The following NFU1 variants were observed in gnomAD, a reference collection of about 807,000 sequenced individuals.
NFU1 encodes NFU1 iron-sulfur cluster scaffold homolog, mitochondrial.
Under a neutral mutation model 32.2 loss-of-function variants are expected in NFU1, and 30 were observed. That is an observed-to-expected ratio of 0.93 (90% CI 0.70 to 1.26). The LOEUF (loss-of-function observed/expected upper bound fraction) is 1.26, where lower values mean the gene tolerates loss of function less well. NFU1 is among the 50% of genes most tolerant of loss of function. The pLI, the probability that NFU1 is intolerant of heterozygous loss-of-function variation, is 0.00. For missense variants in NFU1, 306 were observed against 306.6 expected (o/e 1.00, Z 0.02); for synonymous variants, 112 against 104.6 (o/e 1.07, Z -0.43).
chr2:69,421,400 G>GT (rs1216837447), intron 3 of NFU1, among the ~76,000 whole-genome samples: 2 of 151,938 alleles, frequency 1.3e-5, no homozygotes, highest in Non-Finnish European at 2.9e-5. Flanking sequence ...TATAGAAATA[G>GT]TTACCTGAGC....
intron 4 of NFU1, chr2:69,416,118 G>T (rs1673042179): frequency 6.6e-6 from 1 of 151,006 alleles, no homozygotes; most frequent in Non-Finnish European, 1.5e-5. Context: ...AAGAAAAGAG[G>T]AAAGGAAAGG....
intron 6 of NFU1, among the ~76,000 whole-genome samples, chr2:69,403,806 C>A (rs931535636): frequency 1.3e-5 from 2 of 151,532 alleles, no homozygotes; most frequent in Non-Finnish European, 2.9e-5. Flanking sequence ...CTAATGAGTT[C>A]TTAAGTTCAG....
intron 4 of NFU1, among the ~76,000 whole-genome samples, chr2:69,419,258 C>A (rs1170994810): frequency 6.6e-6 from 1 of 151,746 alleles, no homozygotes; most frequent in Non-Finnish European, 1.5e-5. Context: ...ACCTGGGAGG[C>A]AGAGGTGGCA....
intron 4 of NFU1, among the ~76,000 whole-genome samples, chr2:69,417,039 A>G (rs1673078992): frequency 6.6e-6 from 1 of 152,210 alleles, no homozygotes; most frequent in Admixed American, 6.5e-5. Context: ...AATTATTTGG[A>G]AAACAAATCA....
intron 5 of NFU1, among the ~76,000 whole-genome samples, chr2:69,414,033 C>G (rs1218291008): frequency 6.6e-6 from 1 of 152,028 alleles, no homozygotes; most frequent in Non-Finnish European, 1.5e-5. Context: ...GGCAACAGAG[C>G]AAGACTCTGT....
chr2:69,438,143 A>T (rs919581984), upstream of NFU1, among the ~76,000 whole-genome samples: 1 of 152,214 alleles, frequency 6.6e-6, no homozygotes, highest in Non-Finnish European at 1.5e-5. Context: ...AAGCAGGAGA[A>T]CACGTTAGAA....
chr2:69,398,530 C>A (rs1191681487), intron 7 of NFU1, among the ~76,000 whole-genome samples: 1 of 152,170 alleles, frequency 6.6e-6, no homozygotes, highest in Non-Finnish European at 1.5e-5. Flanking sequence ...TAAACAAACA[C>A]ATACTTAGCA....
chr2:69,398,637 G>A (rs992050940), intron 7 of NFU1, among the ~76,000 whole-genome samples: 65 of 152,138 alleles, frequency 4.3e-4, no homozygotes, highest in Non-Finnish European at 2.9e-4. Context: ...CATATCTTCT[G>A]AAGCATGTAT....
chr2:69,423,856 G>C (rs1673351261), intron 2 of NFU1, 139 bp from the exon 3 acceptor site: 1 of 682,834 alleles, frequency 1.5e-6, no homozygotes, highest in Non-Finnish European at 2.5e-6. Flanking sequence ...CCCTGACAAA[G>C]CATTTATAAG....
At chr2:69,435,125 C>A (rs1375344711) in intron 1 of NFU1, among the ~76,000 whole-genome samples, 2 of 152,202 alleles carry the variant, frequency 1.3e-5, no homozygotes, top group Non-Finnish European at 2.9e-5. Flanking sequence ...TCAGGCTCCT[C>A]TCATCCTCCA....
At chr2:69,403,570 A>C (rs1455220827) in intron 6 of NFU1, among the ~76,000 whole-genome samples, 1 of 151,994 alleles carries the variant, frequency 6.6e-6, no homozygotes, top group Non-Finnish European at 1.5e-5. Context: ...TTTTTTGTAG[A>C]GACAAGGTCT....
At chr2:69,437,517 C>G (rs1673894789), upstream of NFU1, 1 of 1,463,412 alleles carries the variant, frequency 6.8e-7, no homozygotes, top group Non-Finnish European at 9.3e-7. Flanking sequence ...CTGGGAAGAG[C>G]CCACCCTACC....
intron 5 of NFU1, among the ~76,000 whole-genome samples, chr2:69,414,938 T>G (rs756165778): frequency 2.0e-5 from 3 of 152,126 alleles, no homozygotes; most frequent in Non-Finnish European, 4.4e-5. Context: ...TAGATATGAG[T>G]GGAGGGCAAA....
At chr2:69,423,456 A>G in intron 3 of NFU1, 126 bp downstream of exon 3, 1 of 834,986 alleles carries the variant, frequency 1.2e-6, no homozygotes, top group Non-Finnish European at 1.9e-6. Flanking sequence ...AAAAGAAATT[A>G]TTTTCTACAC....
At chr2:69,405,478 T>G (rs1336995256) in intron 6 of NFU1, among the ~76,000 whole-genome samples, 1 of 152,212 alleles carries the variant, frequency 6.6e-6, no homozygotes, top group African/African-American at 2.4e-5. Flanking sequence ...CTCAGTGAGC[T>G]TCCCTTCTCT....
rs750485783 is a variant in NFU1, at chr2:69,400,372, C to T, written c.712G>A (p.Val238Ile). 8 of 1,613,638 alleles carry T rather than the reference C, an allele frequency of 5.0e-6. No homozygotes were observed. Among genetic ancestry groups the T allele is most frequent in the African/African-American group, 1.3e-5 (1 of 74,926 alleles). Residue 238 changes from valine to isoleucine, a missense_variant, in exon 7 of 8, where the codon GTA becomes ATA. Val to Ile is a conservative substitution (Grantham distance 29, BLOSUM62 3). Coordinates refer to ENST00000410022, the MANE Select transcript of NFU1 (RefSeq NM_001002755.4). ...LQFYIPEVEG[V>I]EQVMDDESDE... ...ATATAATATTGGCATACCTGTTCTACGCCTTCTACCTCCGGAATATAAAAC... is the reference window on the plus strand; with the variant it reads ...ATATAATATTGGCATACCTGTTCTATGCCTTCTACCTCCGGAATATAAAAC...
At chr2:69,431,051 T>C (rs186706282) in intron 2 of NFU1, among the ~76,000 whole-genome samples, 80 of 152,348 alleles carry the variant, frequency 5.3e-4, no homozygotes, top group Admixed American at 2.1e-3. Context: ...TTTTAAATCA[T>C]ATCTATTTCC....
chr2:69,423,859 T>C, intron 2 of NFU1, 142 bp from the exon 3 acceptor site: 3 of 679,524 alleles, frequency 4.4e-6, no homozygotes, highest in Non-Finnish European at 7.6e-6. Context: ...TGACAAAGCA[T>C]TTATAAGGAT....
chr2:69,400,449 C>A lies in NFU1; in HGVS notation c.635G>T (p.Ser212Ile). The A allele has an allele frequency of 3.1e-6, 5 of 1,614,094 alleles. No homozygotes were observed. Among genetic ancestry groups the A allele is most frequent in the Non-Finnish European group, 3.4e-6 (4 of 1,179,940 alleles). ...VQLKLQGSCT[S>I]CPSSIITLKN... ...CAGAGTAATGATTGAACTAGGGCAG[C>A]TGGTACAAGAACCCTGGAGTTTCAG... Residue 212 changes from serine (S) to isoleucine (I), a missense_variant, in exon 7 of 8, where the codon AGC becomes ATC. Coordinates refer to ENST00000410022, the MANE Select transcript of NFU1 (RefSeq NM_001002755.4).
Sources: allele counts gnomAD v4.1 joint callset (sites outside exome capture counted in the v4.1 genomes callset), GRCh38; gene constraint gnomAD v4.1.1; transcripts MANE v1.5; gene names NCBI Gene and HGNC (gene_info 2026-07-23, HGNC 2026-07-21).